CLVS1: variants seen among roughly 807,000 people sequenced by gnomAD.
CLVS1 encodes the protein clavesin-1.
A neutral mutation model predicts 33.1 loss-of-function variants in CLVS1; 10 were observed. The ratio of observed to expected loss-of-function variants is 0.30; its 90% CI spans 0.19 to 0.51. The LOEUF is 0.51. Among genes scored for constraint, CLVS1 ranks in the 20% least tolerant of loss-of-function variants. CLVS1 has a pLI of 0.97. For missense variants in CLVS1, 343 were observed against 433.4 expected, an observed-to-expected ratio of 0.79 and a Z score of 1.85; for synonymous variants, 163 against 166.1, an observed-to-expected ratio of 0.98 and a Z score of 0.14.
intron 2 of CLVS1, among the ~76,000 whole-genome samples, chr8:61,153,122 A>AGG (rs1265496638): frequency 6.6e-6 from 1 of 152,194 alleles, no homozygotes; most frequent in African/African-American, 2.4e-5. Context: ...TCTCAAAAAA[A>AGG]TAAAAAGGAA....
At chr8:61,017,143 G>C in the CLVS1 span, among the ~76,000 whole-genome samples, 2 of 152,238 alleles carry the variant, frequency 1.3e-5, no homozygotes, top group African/African-American at 2.4e-5. Context: ...GCCGAGCCTG[G>C]TGGGATTTTT....
chr8:61,365,776 CGT>C (rs112942345), intron 2 of CLVS1, among the ~76,000 whole-genome samples: 69 of 110,514 alleles, frequency 6.2e-4, no homozygotes, highest in Middle Eastern at 4.5e-3. Context: ...TGTGTGTGTG[CGT>C]GTGTGTGTGT....
chr8:61,040,477 C>T, the CLVS1 span, among the ~76,000 whole-genome samples: 2 of 152,210 alleles, frequency 1.3e-5, no homozygotes, highest in Non-Finnish European at 2.9e-5. Flanking sequence ...TTTTCCTTTT[C>T]TTTGCAGTAT....
intron 5 of CLVS1, among the ~76,000 whole-genome samples, chr8:61,494,427 C>G (rs7816683): frequency 0.067 from 10,231 of 152,086 alleles, 985 homozygotes; most frequent in African/African-American, 0.21. Flanking sequence ...AAATCACTCC[C>G]CTGCCTGACC....
chr8:61,329,626 T>A (rs1188157676), intron 2 of CLVS1, among the ~76,000 whole-genome samples: 1 of 152,196 alleles, frequency 6.6e-6, no homozygotes, highest in Non-Finnish European at 1.5e-5. Flanking sequence ...CTAAATAAAG[T>A]ACATCTATTA....
At chr8:61,291,238 G>C (rs977879340) in intron 1 of CLVS1, among the ~76,000 whole-genome samples, 6 of 152,160 alleles carry the variant, frequency 3.9e-5, no homozygotes, top group African/African-American at 1.4e-4. Flanking sequence ...GGGAGTATCA[G>C]AGAAAGTTCC....
At chr8:61,037,295 C>T in the CLVS1 span, among the ~76,000 whole-genome samples, 3 of 152,144 alleles carry the variant, frequency 2.0e-5, no homozygotes, top group African/African-American at 7.2e-5. Flanking sequence ...ACTCCCTCCT[C>T]CCCACAGCTC....
At chr8:61,155,399 G>A (rs559985327) in intron 2 of CLVS1, among the ~76,000 whole-genome samples, 1 of 152,292 alleles carries the variant, frequency 6.6e-6, no homozygotes, top group African/African-American at 2.4e-5. Context: ...CTATTAATTA[G>A]TACTACAATA....
In CLVS1 at chr8:61,299,791, G is replaced by C. The variant is rs754046598; in HGVS notation, c.-37G>C. The C allele has an allele frequency of 2.6e-6, 4 of 1,515,174 alleles. No individual in the cohort carries two copies. In the Admixed American group the frequency reaches 7.1e-5, roughly 27 times the overall value. The allele number at this position is 1,515,174 out of a possible 1,614,324, so 93.9% of individuals were successfully genotyped here. ...CGGGGCAGCCTGGTAGTAAAACACTGTTGAATGGGCCACAGTTTCAGCAGA... is the reference window on the plus strand; with the variant it reads ...CGGGGCAGCCTGGTAGTAAAACACTCTTGAATGGGCCACAGTTTCAGCAGA... On this transcript the variant is annotated 5_prime_UTR_variant, in exon 2 of 6. Coordinates refer to ENST00000325897, the MANE Select transcript of CLVS1 (RefSeq NM_173519.3).
intron 1 of CLVS1, among the ~76,000 whole-genome samples, chr8:61,076,022 GTCTA>G (rs995306145): frequency 6.6e-6 from 1 of 152,172 alleles, no homozygotes; most frequent in Non-Finnish European, 1.5e-5. Context: ...CTCTCCCTGT[GTCTA>G]TCTATGTATA....
chr8:61,197,610 C>T (rs558999200), intron 2 of CLVS1, among the ~76,000 whole-genome samples: 1 of 152,260 alleles, frequency 6.6e-6, no homozygotes, highest in African/African-American at 2.4e-5. Flanking sequence ...ACCTCCACCT[C>T]CTGGGTTCAA....
At chr8:61,032,385 C>T in the CLVS1 span, among the ~76,000 whole-genome samples, 1 of 152,226 alleles carries the variant, frequency 6.6e-6, no homozygotes, top group Non-Finnish European at 1.5e-5. Context: ...CGCTAACAAA[C>T]TGCCACTTCG....
chr8:61,331,950 A>G (rs1245460644), intron 2 of CLVS1, among the ~76,000 whole-genome samples: 1 of 151,604 alleles, frequency 6.6e-6, no homozygotes, highest in Non-Finnish European at 1.5e-5. Context: ...CATCCCTTGG[A>G]TGGGGTGCAC....
At chr8:61,265,983 A>G (rs963540967) in intron 2 of CLVS1, among the ~76,000 whole-genome samples, 1 of 152,106 alleles carries the variant, frequency 6.6e-6, no homozygotes, top group Non-Finnish European at 1.5e-5. Flanking sequence ...ATCTGGGTTT[A>G]TTCCTGGCTC....
At chr8:61,160,518 A>G (rs1436266266) in intron 2 of CLVS1, among the ~76,000 whole-genome samples, 1 of 152,214 alleles carries the variant, frequency 6.6e-6, no homozygotes, top group Non-Finnish European at 1.5e-5. Context: ...AAAGGAGAGA[A>G]GACTTGCTTA....
chr8:61,110,088 A>G (rs1444781853), intron 1 of CLVS1, among the ~76,000 whole-genome samples: 2 of 152,132 alleles, frequency 1.3e-5, no homozygotes, highest in African/African-American at 2.4e-5. Flanking sequence ...GTTGGCTGCT[A>G]ATGGTGCACG....
At chr8:61,164,762 G>C (rs992731337) in intron 2 of CLVS1, among the ~76,000 whole-genome samples, 4 of 152,112 alleles carry the variant, frequency 2.6e-5, no homozygotes, top group African/African-American at 9.7e-5. Flanking sequence ...GTCTGTATGG[G>C]GGAGCTGTTT....
chr8:61,053,096 T>C (rs973191597), upstream of CLVS1, among the ~76,000 whole-genome samples: 28 of 152,284 alleles, frequency 1.8e-4, no homozygotes, highest in Non-Finnish European at 4.4e-5. Context: ...GGAAAGGAGC[T>C]ATGTTTAATG....
intron 3 of CLVS1, among the ~76,000 whole-genome samples, chr8:61,452,227 C>G (rs182674455): frequency 1.1e-4 from 16 of 152,276 alleles, no homozygotes; most frequent in African/African-American, 3.6e-4. Flanking sequence ...CTAAGAATGT[C>G]TAGATATTTT....
Sources: gnomAD v4.1 joint callset for allele counts (sites outside exome capture counted in the v4.1 genomes callset) on GRCh38, gnomAD v4.1.1 for gene constraint, MANE v1.5 for transcripts, NCBI Gene and HGNC (gene_info 2026-07-23, HGNC 2026-07-21) for gene names.